Variants in PCDHGB4 observed in about 807,000 individuals in gnomAD.
PCDHGB4 encodes the protein protocadherin gamma-B4.
Under a neutral mutation model 60.5 loss-of-function variants are expected in PCDHGB4, and 38 were observed. That is an observed-to-expected ratio of 0.63 (90% CI 0.48 to 0.82). PCDHGB4 has a LOEUF of 0.82. Among genes scored for constraint, PCDHGB4 ranks in the 40% least tolerant of loss-of-function variants. The pLI is 0.00. For synonymous variants in PCDHGB4, 456 were observed against 509.7 expected (o/e 0.89, Z 1.42); for missense variants, 1,109 against 1,209.6 (o/e 0.92, Z 1.23).
intron 1 of PCDHGB4, among the ~76,000 whole-genome samples, chr5:141,437,164 T>C (rs1262289843): frequency 1.3e-5 from 2 of 152,226 alleles, no homozygotes; most frequent in Non-Finnish European, 2.9e-5. Flanking sequence ...GTGTTGATTG[T>C]TTTCTGAGAC....
intron 1 of PCDHGB4, among the ~76,000 whole-genome samples, chr5:141,451,780 C>T (rs988572200): frequency 6.6e-6 from 1 of 152,016 alleles, no homozygotes; most frequent in Non-Finnish European, 1.5e-5. Flanking sequence ...ACTCAGGAGG[C>T]TGAGGCCAGA....
rs780843098 is a variant in PCDHGB4 at position 141,431,185 on chromosome 5, T to C, written c.2397+40904T>C. On this transcript the variant is annotated intron_variant, in intron 1 of 3. Coordinates refer to ENST00000519479, the MANE Select transcript of PCDHGB4 (RefSeq NM_003736.4). The surrounding 1 kb of genome is among the most constrained non-coding windows in gnomAD (Gnocchi z 4.8). ...GTGAAAGTGAATTAGAAATAAAAAT[T>C]AGTGAAAATGCAGCCACTGAGATGC... The C allele has an allele frequency of 3.1e-6, 5 of 1,613,982 alleles. No homozygotes were observed. The highest frequency in any genetic ancestry group is 4.2e-6 in the Non-Finnish European group (5 of 1,180,016).
At position 141,388,456 on chromosome 5, in the gene PCDHGB4, A is replaced by G; in HGVS notation, c.572A>G (p.Tyr191Cys). ...INKEKSDGSK[Y>C]PEMVLKTPLD... is the part of the protein sequence containing the mutation. ...AAAGAGAAATCAGATGGCAGTAAATACCCTGAGATGGTATTGAAGACACCT... is the reference window on the plus strand; with the variant it reads ...AAAGAGAAATCAGATGGCAGTAAATGCCCTGAGATGGTATTGAAGACACCT... Residue 191 changes from tyrosine (Y) to cysteine (C), a missense_variant, in exon 1 of 4, where the codon TAC (tyrosine) becomes TGC (cysteine). Around this residue, in one of 2 missense-constraint regions of PCDHGB4, gnomAD observed 1,068 missense variants for 1,089.9 expected, o/e 0.98. Coordinates refer to ENST00000519479, the MANE Select transcript of PCDHGB4 (RefSeq NM_003736.4). The G allele has an allele frequency of 5.0e-6, 8 of 1,613,810 alleles. No individual in the cohort carries two copies. The highest frequency in any genetic ancestry group is 5.9e-6 in the Non-Finnish European group (7 of 1,179,878).
At chr5:141,481,795 T>C (rs2154579318) in intron 1 of PCDHGB4, among the ~76,000 whole-genome samples, 1 of 150,244 alleles carries the variant, frequency 6.7e-6, no homozygotes, top group South Asian at 2.1e-4. Context: ...CTACTAAAAA[T>C]ACAAAAATTC....
Position 141,489,624 on chromosome 5 carries a change from C to T in PCDHGB4, c.2398-5183C>T. 1 of 1,614,088 alleles carries T rather than the reference C, an allele frequency of 6.2e-7. No homozygotes were observed. On this transcript the variant is annotated intron_variant, in intron 1 of 3. Transcript: ENST00000519479. The surrounding 1 kb of genome is among the most constrained non-coding windows in gnomAD (Gnocchi z 4.5). Reference sequence around the variant, plus strand: ...AGGTAGAGATCCTGGATCTCAATGACAACTCTCCTAGCTTTGCCACCCCTG... The same window carrying T: ...AGGTAGAGATCCTGGATCTCAATGATAACTCTCCTAGCTTTGCCACCCCTG...
chr5:141,497,957 A>G (rs2099780682), intron 2 of PCDHGB4, among the ~76,000 whole-genome samples: 1 of 152,242 alleles, frequency 6.6e-6, no homozygotes, highest in Non-Finnish European at 1.5e-5. Flanking sequence ...TCTGTTGGCC[A>G]GGCAGTGTTC....
In PCDHGB4 at chr5:141,410,786, TTCA is replaced by T. The variant is rs1001093749; in HGVS notation, c.2397+20507_2397+20509del. ...ATTATAGTTTTCACTATGTATTTGG[TTCA>T]TAAGTTGCTCTATCTTTTTGTAAAA... On this transcript the variant is annotated intron_variant, in intron 1 of 3. Transcript: ENST00000519479. 39 of 852,378 alleles carry T rather than the reference TTCA, an allele frequency of 4.6e-5. No homozygotes were observed. In the African/African-American group the frequency reaches 6.2e-4, roughly 13 times the overall value. 52.8% of individuals were successfully genotyped at this position (852,378 alleles called of 1,614,324 possible). A position where few individuals can be genotyped will look rare whatever the true frequency, so the allele number is the denominator to read the frequency against.
chr5:141,503,556 G>A (rs1021346255), intron 2 of PCDHGB4, among the ~76,000 whole-genome samples: 1 of 145,962 alleles, frequency 6.9e-6, no homozygotes, highest in East Asian at 2.0e-4. Context: ...CCGAGATCGC[G>A]CCACTGTACT....
At chr5:141,494,991 G>A in intron 2 of PCDHGB4, 126 bp downstream of exon 2, 1 of 1,551,148 alleles carries the variant, frequency 6.4e-7, no homozygotes, top group Non-Finnish European at 8.7e-7. Context: ...AGATCCCAGG[G>A]AGGTCTTGGT....
chr5:141,504,077 G>A (rs939470644), intron 2 of PCDHGB4, among the ~76,000 whole-genome samples: 3 of 152,124 alleles, frequency 2.0e-5, no homozygotes, highest in Non-Finnish European at 2.9e-5. Context: ...GCCAGATGGT[G>A]CCAAACAGTT....
rs772000812 is a variant in PCDHGB4, at chr5:141,478,304, C to T, written c.2398-16503C>T. The T allele has an allele frequency of 8.1e-6, 13 of 1,614,108 alleles. No individual in the cohort carries two copies. In the Middle Eastern group the frequency reaches 1.2e-3, roughly 143 times the overall value. On this transcript the variant is annotated intron_variant, in intron 1 of 3. Coordinates refer to ENST00000519479, the MANE Select transcript of PCDHGB4 (RefSeq NM_003736.4). The stretch of plus-strand genomic sequence containing the variant: ...GCAGTCTAGAGACCTATACCGAGCC[C>T]CGGTGAGCTCACTGTACCGAACACC...
Position 141,389,763 on chromosome 5 carries a change from G to C in PCDHGB4, c.1879G>C (p.Ala627Pro). The change falls in exon 1 of 4, where the codon GCG becomes CCG. Residue 627 changes from alanine (A) to proline (P), a missense_variant. Ala to Pro is a conservative substitution (Grantham distance 27). Transcript: ENST00000519479. ...GCTGCGCACGGGCGAAGTGCGCACA[G>C]CGCGTGCCTTAGGCGACAGGGACGC... ...LGLRTGEVRT[A>P]RALGDRDAVR... 6.2e-7 allele frequency: 1 copy of C among 1,612,978 alleles called. No individual in the cohort carries two copies. Among genetic ancestry groups the C allele is most frequent in the African/African-American group, 1.3e-5 (1 of 75,066 alleles).
chr5:141,409,407 A>G, intron 1 of PCDHGB4: 3 of 1,614,012 alleles, frequency 1.9e-6, no homozygotes, highest in Non-Finnish European at 2.5e-6. Flanking sequence ...AATAACTACT[A>G]CAAACTGGTG....
intron 2 of PCDHGB4, among the ~76,000 whole-genome samples, chr5:141,500,948 A>G (rs1055841985): frequency 1.8e-4 from 28 of 151,592 alleles, no homozygotes; most frequent in Non-Finnish European, 4.4e-5. Context: ...GGCTCACTGC[A>G]AGCTCCACCT....
intron 1 of PCDHGB4, among the ~76,000 whole-genome samples, chr5:141,467,702 C>T (rs2099149453): frequency 6.6e-6 from 1 of 152,086 alleles, no homozygotes; most frequent in South Asian, 2.1e-4. Context: ...GGCTCTGTTG[C>T]CCAGGCTGGA....
chr5:141,407,473 G>A (rs753514459), intron 1 of PCDHGB4, among the ~76,000 whole-genome samples: 4 of 145,182 alleles, frequency 2.8e-5, no homozygotes, highest in Non-Finnish European at 4.6e-5. Context: ...ATGACTGAAT[G>A]GAGTATGGAA....
chr5:141,421,379 A>G, intron 1 of PCDHGB4: 1 of 1,614,054 alleles, frequency 6.2e-7, no homozygotes, highest in Non-Finnish European at 8.5e-7. Flanking sequence ...AATATCTCCA[A>G]GGACCTGGGG....
In PCDHGB4 at chr5:141,487,086, TCCCACCACAGAAG is replaced by T. The variant is rs2099639456; in HGVS notation, c.2398-7719_2398-7707del. 6.2e-7 allele frequency: 1 copy of T among 1,613,822 alleles called. No homozygotes were observed. ...ACGGCTGTTCCTATCCCAGCTGACC[TCCCACCACAGAAG>T]CTGGTCATTGTGGTAAAGGATAGTG... On this transcript the variant is annotated intron_variant, in intron 1 of 3. Coordinates refer to ENST00000519479, the MANE Select transcript of PCDHGB4 (RefSeq NM_003736.4). The surrounding 1 kb of genome is among the most constrained non-coding windows in gnomAD (Gnocchi z 5.0).
chr5:141,398,369 G>A (rs889057054), intron 1 of PCDHGB4: 2 of 1,428,778 alleles, frequency 1.4e-6, no homozygotes, highest in African/African-American at 2.9e-5. Context: ...AGCGCAGAGA[G>A]CGGGGAGTTG....
Sources: allele counts gnomAD v4.1 joint callset (sites outside exome capture counted in the v4.1 genomes callset), GRCh38; gene constraint gnomAD v4.1.1; regional missense constraint gnomAD v4.1.1; non-coding constraint Gnocchi (gnomAD v3.1); transcripts MANE v1.5; gene names NCBI Gene and HGNC (gene_info 2026-07-23, HGNC 2026-07-21).